CAMKMT: variants seen among roughly 807,000 people sequenced by gnomAD.
The protein encoded by CAMKMT is CaM KMT.
A neutral mutation model predicts 48.0 loss-of-function variants in CAMKMT; 53 were observed. The ratio of observed to expected loss-of-function variants is 1.10; its 90% CI spans 0.89 to 1.39. The LOEUF (loss-of-function observed/expected upper bound fraction) is 1.39. Among genes scored for constraint, CAMKMT ranks in the 40% most tolerant of loss-of-function variants. CAMKMT has a pLI of 0.00. For synonymous variants in CAMKMT, 165 were observed against 152.3 expected (o/e 1.08, Z -0.61); for missense variants, 428 against 402.7 (o/e 1.06, Z -0.54).
intron 3 of CAMKMT, among the ~76,000 whole-genome samples, chr2:44,484,930 G>A (rs786401): frequency 0.74 from 112,727 of 152,016 alleles, 42,426 homozygotes; most frequent in African/African-American, 0.81. Flanking sequence ...GGCACTTCAC[G>A]AACAGTATAT....
chr2:44,435,284 C>T (rs1400517748), intron 3 of CAMKMT, among the ~76,000 whole-genome samples: 4 of 151,990 alleles, frequency 2.6e-5, no homozygotes, highest in African/African-American at 4.8e-5. Flanking sequence ...TGATTAAGTT[C>T]TTGGGTGGAA....
At chr2:44,390,675 CT>C (rs2104414914) in intron 3 of CAMKMT, among the ~76,000 whole-genome samples, 1 of 152,148 alleles carries the variant, frequency 6.6e-6, no homozygotes, top group East Asian at 1.9e-4. Context: ...TCCTTCTTTG[CT>C]TTGTTTCGGG....
intron 3 of CAMKMT, among the ~76,000 whole-genome samples, chr2:44,619,463 G>A (rs1046061990): frequency 2.0e-5 from 3 of 149,934 alleles, no homozygotes; most frequent in Non-Finnish European, 4.5e-5. Context: ...GATTATGTGT[G>A]TATATATATA....
At chr2:44,436,636 AC>A (rs1347805353) in intron 3 of CAMKMT, among the ~76,000 whole-genome samples, 4 of 152,240 alleles carry the variant, frequency 2.6e-5, no homozygotes, top group African/African-American at 9.6e-5. Flanking sequence ...CCATACAAAA[AC>A]ATTCTGAGGG....
rs113885065 is a variant in CAMKMT, at chr2:44,536,683, CAA to C, written c.376+146383_376+146384del. ...AATAATCCCCAAATTTGTATGGAAC[CAA>C]AAAAGAGCCTGAATAGGCAAACCAA... On this transcript the variant is annotated intron_variant, in intron 3 of 10. Coordinates refer to ENST00000378494, the MANE Select transcript of CAMKMT (RefSeq NM_024766.5). Among the ~76,000 whole-genome samples, 417 of 151,732 alleles carry C rather than the reference CAA, an allele frequency of 2.7e-3. 1 individual carries two copies. The highest frequency in any genetic ancestry group is 9.6e-3 in the African/African-American group (396 of 41,356).
At chr2:44,707,516 CTGAG>C in intron 6 of CAMKMT, 54 bp downstream of exon 6, 1 of 1,471,322 alleles carries the variant, frequency 6.8e-7, no homozygotes, top group Middle Eastern at 1.7e-4. Context: ...TTTTTCCTGG[CTGAG>C]TAACAATTGA....
chr2:44,707,065 T>C (rs1162836058), intron 5 of CAMKMT, among the ~76,000 whole-genome samples: 1 of 151,818 alleles, frequency 6.6e-6, no homozygotes, highest in African/African-American at 2.4e-5. Context: ...AGAAGCAAGC[T>C]GAAAGGCAGA....
Position 44,704,342 on chromosome 2 carries a change from A to G in CAMKMT, c.436A>G (p.Arg146Gly), listed in dbSNP as rs758804662. The G allele has an allele frequency of 6.2e-6, 10 of 1,601,138 alleles. No individual in the cohort carries two copies. The South Asian group carries it at 9.0e-5, about 14-fold the overall frequency. Residue 146 changes from arginine to glycine, a missense_variant and splice_region_variant, in exon 4 of 11, where the codon AGG becomes GGG. Arg to Gly is a moderately radical substitution (Grantham distance 125). Transcript: ENST00000378494. ...YYCLKHNNIFRALAVCELGGG... is the reference protein window; with the variant it reads ...YYCLKHNNIFGALAVCELGGG... ...CTGCCTCAAGCACAATAATATATTC[A>G]GGTACAGAGCTGCACTTAAGATATT...
intron 9 of CAMKMT, 108 bp from the exon 10 acceptor site, chr2:44,766,322 T>C (rs1680839396): frequency 2.5e-6 from 3 of 1,197,914 alleles, no homozygotes; most frequent in Non-Finnish European, 3.6e-6. Context: ...TCAAGAACAA[T>C]TGAGTTTTTC....
At chr2:44,366,423 G>T (rs921630899) in intron 1 of CAMKMT, among the ~76,000 whole-genome samples, 1 of 152,056 alleles carries the variant, frequency 6.6e-6, no homozygotes. Context: ...CTTTATTCTT[G>T]ACTTTGTTTT....
chr2:44,508,114 A>C (rs534824380), intron 3 of CAMKMT, among the ~76,000 whole-genome samples: 15 of 152,352 alleles, frequency 9.8e-5, no homozygotes, highest in Admixed American at 9.8e-4. Context: ...GTCTTGAACA[A>C]GTAACAGTGA....
At chr2:44,470,994 CTTT>C (rs11362559) in intron 3 of CAMKMT, among the ~76,000 whole-genome samples, 11 of 74,924 alleles carry the variant, frequency 1.5e-4, no homozygotes, top group East Asian at 4.1e-4. Context: ...CTCTCTCTCT[CTTT>C]TTTTTTTTTT....
rs138510128 is a variant in CAMKMT at position 44,528,958 on chromosome 2, T to C, written c.376+138653T>C. On this transcript the variant is annotated intron_variant, in intron 3 of 10. Coordinates refer to ENST00000378494, the MANE Select transcript of CAMKMT (RefSeq NM_024766.5). ...TTTCTGTTTGTCTATTTTATGATGT[T>C]AGTGGCCATTATTTCGTTAGGGGTT... Among the ~76,000 whole-genome samples the C allele has an allele frequency of 6.0e-3, 907 of 152,282 alleles. 7 individuals carry two copies. The highest frequency in any genetic ancestry group is 0.02 in the African/African-American group (829 of 41,558).
At chr2:44,562,898 C>T (rs1225748849) in intron 3 of CAMKMT, among the ~76,000 whole-genome samples, 7 of 152,166 alleles carry the variant, frequency 4.6e-5, no homozygotes, top group Admixed American at 4.6e-4. Flanking sequence ...CCATCTGCCT[C>T]CCCTGCTCAA....
In CAMKMT at chr2:44,589,185, C is replaced by A. The variant is rs1337782134; in HGVS notation, c.377-115098C>A. 7.9e-5 allele frequency among the ~76,000 whole-genome samples: 4 copies of A among 50,476 alleles called. 1 individual carries two copies. Among genetic ancestry groups the A allele is most frequent in the Non-Finnish European group, 1.7e-4 (4 of 23,994 alleles). The allele number at this position is 50,476 out of a possible 152,430, so 33.1% of individuals were successfully genotyped here. ...GCCGCCCTATCCAGGAGGTGAGGGGCGCCTCTGCCCGGCCGCCCCTACTGG... is the reference window on the plus strand; with the variant it reads ...GCCGCCCTATCCAGGAGGTGAGGGGAGCCTCTGCCCGGCCGCCCCTACTGG... On this transcript the variant is annotated intron_variant, in intron 3 of 10. Transcript: ENST00000378494.
intron 3 of CAMKMT, among the ~76,000 whole-genome samples, chr2:44,507,437 G>A (rs1454059160): frequency 6.6e-6 from 1 of 151,970 alleles, no homozygotes; most frequent in African/African-American, 2.4e-5. Flanking sequence ...TTTATTGACT[G>A]CAAAAAAGCA....
At chr2:44,719,374 G>A (rs1678342317) in intron 7 of CAMKMT, among the ~76,000 whole-genome samples, 1 of 152,034 alleles carries the variant, frequency 6.6e-6, no homozygotes, top group Non-Finnish European at 1.5e-5. Context: ...ATGTTCACTG[G>A]TTTATCTACT....
At chr2:44,670,854 T>C (rs1011349543) in intron 3 of CAMKMT, among the ~76,000 whole-genome samples, 3 of 152,108 alleles carry the variant, frequency 2.0e-5, no homozygotes, top group Non-Finnish European at 4.4e-5. Flanking sequence ...TCTGAACATC[T>C]TTCGCCAATC....
intron 3 of CAMKMT, chr2:44,550,602 G>T (rs1178799133): frequency 2.0e-5 from 3 of 152,110 alleles, no homozygotes. Context: ...GGAATTTATA[G>T]GCTCCGTCTA....
Sources: allele counts gnomAD v4.1 joint callset (sites outside exome capture counted in the v4.1 genomes callset), GRCh38; gene constraint gnomAD v4.1.1; transcripts MANE v1.5; gene names NCBI Gene and HGNC (gene_info 2026-07-23, HGNC 2026-07-21).